The following CSMD3 variants were observed in gnomAD, a reference collection of about 807,000 sequenced individuals.
CSMD3 encodes the protein CUB and Sushi multiple domains 3, also known as CUB and sushi domain-containing protein 3.
CSMD3 carries 177 observed loss-of-function variants against 435.2 expected under a neutral mutation model. The observed-to-expected ratio is 0.41, with a 90% CI of 0.36 to 0.46. The LOEUF is 0.46. Among genes scored for constraint, CSMD3 ranks in the 20% least tolerant of loss-of-function variants. The pLI, the probability that CSMD3 is intolerant of heterozygous loss-of-function variation, is 0.34. For synonymous variants in CSMD3, 1,656 were observed against 1,520.5 expected (o/e 1.09, Z -2.07); for missense variants, 4,265 against 4,504.6 (o/e 0.95, Z 1.52).
At chr8:113,254,796 C>G (rs2093365968) in intron 3 of CSMD3, among the ~76,000 whole-genome samples, 1 of 151,976 alleles carries the variant, frequency 6.6e-6, no homozygotes, top group African/African-American at 2.4e-5. Flanking sequence ...TTATCTGAAA[C>G]TTTTAATTAT....
intron 45 of CSMD3, among the ~76,000 whole-genome samples, chr8:112,324,865 G>T (rs941161400): frequency 2.0e-5 from 3 of 151,990 alleles, no homozygotes; most frequent in African/African-American, 4.8e-5. Context: ...GATAGCAAGA[G>T]ACTACTAGAG....
chr8:112,638,219 T>G (rs2074718308), intron 21 of CSMD3, among the ~76,000 whole-genome samples: 1 of 148,280 alleles, frequency 6.7e-6, no homozygotes, highest in African/African-American at 2.4e-5. Flanking sequence ...AATATATAAT[T>G]TATTATTAAT....
chr8:112,306,674 G>A (rs1007440078), intron 50 of CSMD3, among the ~76,000 whole-genome samples: 1 of 152,110 alleles, frequency 6.6e-6, no homozygotes, highest in African/African-American at 2.4e-5. Flanking sequence ...CTGAAAGCTG[G>A]CTATTTCTGT....
rs1443355788 is a variant in CSMD3, at chr8:112,903,996, G to T, written c.1633+17631C>A. Among the ~76,000 whole-genome samples the T allele has an allele frequency of 2.0e-5, 3 of 151,310 alleles. No homozygotes were observed. In the Admixed American group the frequency reaches 2.0e-4, roughly 10 times the overall value. On this transcript the variant is annotated intron_variant, in intron 10 of 70. Transcript: ENST00000297405. ...CTAGCCATTTGGGAGGCACTTTGAA[G>T]GCACTGTAAACTTGAGTGCCCTGGC...
At chr8:112,784,242 G>A (rs1166259190) in intron 13 of CSMD3, among the ~76,000 whole-genome samples, 1 of 151,890 alleles carries the variant, frequency 6.6e-6, no homozygotes, top group African/African-American at 2.4e-5. Context: ...AAATGATAAT[G>A]GAAACATAAC....
chr8:113,058,832 T>G (rs946743471), intron 5 of CSMD3, among the ~76,000 whole-genome samples: 9 of 151,774 alleles, frequency 5.9e-5, no homozygotes, highest in Non-Finnish European at 1.3e-4. Context: ...TATAGTTAGT[T>G]TTTAATTAAA....
chr8:113,162,407 T>C (rs186621244), intron 4 of CSMD3, among the ~76,000 whole-genome samples: 1 of 151,580 alleles, frequency 6.6e-6, no homozygotes, highest in East Asian at 2.0e-4. Context: ...CGCTACTAAA[T>C]ACACAAAATT....
At chr8:112,730,076 G>T (rs1368625914) in intron 13 of CSMD3, among the ~76,000 whole-genome samples, 1 of 152,040 alleles carries the variant, frequency 6.6e-6, no homozygotes, top group African/African-American at 2.4e-5. Flanking sequence ...TTCAATTGTG[G>T]TTGGAATATT....
chr8:112,616,375 T>C (rs1264898800), intron 22 of CSMD3, among the ~76,000 whole-genome samples: 1 of 152,164 alleles, frequency 6.6e-6, no homozygotes, highest in Non-Finnish European at 1.5e-5. Context: ...TCTACATATA[T>C]AGCTTGAAAG....
chr8:113,199,835 T>C (rs2092699009), intron 3 of CSMD3, among the ~76,000 whole-genome samples: 1 of 151,828 alleles, frequency 6.6e-6, no homozygotes. Flanking sequence ...AATGACTTAT[T>C]AAAGGTTAGG....
intron 32 of CSMD3, 64 bp from the exon 33 acceptor site, chr8:112,409,096 C>T: frequency 2.5e-6 from 4 of 1,604,484 alleles, no homozygotes; most frequent in Non-Finnish European, 3.4e-6. Flanking sequence ...AAACAAAAAA[C>T]AAAAAAATAG....
intron 11 of CSMD3, among the ~76,000 whole-genome samples, chr8:112,844,982 T>C (rs1169160875): frequency 1.3e-5 from 2 of 151,986 alleles, no homozygotes. Context: ...ATCATAATAC[T>C]GAGATTAAAA....
chr8:112,372,973 ATAT>A (rs1828561889), intron 38 of CSMD3, among the ~76,000 whole-genome samples: 3 of 58,378 alleles, frequency 5.1e-5, no homozygotes, highest in Non-Finnish European at 1.6e-4. Context: ...CAGAAAAAAT[ATAT>A]ATATATATAT....
chr8:112,721,911 G>T (rs1435287336), intron 13 of CSMD3, among the ~76,000 whole-genome samples: 1 of 152,074 alleles, frequency 6.6e-6, no homozygotes, highest in Non-Finnish European at 1.5e-5. Context: ...GCAAGAATAT[G>T]ATTTGGTCAA....
chr8:112,729,986 T>C (rs189402798), intron 13 of CSMD3, among the ~76,000 whole-genome samples: 263 of 152,228 alleles, frequency 1.7e-3, no homozygotes, highest in African/African-American at 6.0e-3. Flanking sequence ...AAATATACTA[T>C]TGAAGTATTA....
chr8:112,873,507 T>C (rs1005612485), intron 10 of CSMD3, among the ~76,000 whole-genome samples: 8 of 152,002 alleles, frequency 5.3e-5, no homozygotes, highest in Non-Finnish European at 1.2e-4. Context: ...AGTGCACATA[T>C]ATTATATTTT....
rs536574595 is a variant in CSMD3, at chr8:112,611,128, A to G, written c.3716-23893T>C. ...TATGTGAACAATTCTTCATTATGAC[A>G]AATTTTAGCTCAAGTGTTTGAAATT... On this transcript the variant is annotated intron_variant, in intron 22 of 70. Transcript: ENST00000297405. Among the ~76,000 whole-genome samples the G allele has an allele frequency of 1.4e-4, 21 of 152,304 alleles. No homozygotes were observed. In the East Asian group the frequency reaches 4.1e-3, roughly 29 times the overall value.
At chr8:113,151,771 T>C (rs1035495372) in intron 4 of CSMD3, among the ~76,000 whole-genome samples, 4 of 152,150 alleles carry the variant, frequency 2.6e-5, no homozygotes, top group Non-Finnish European at 5.9e-5. Flanking sequence ...AATTGCAGTT[T>C]ATTTCTGACA....
At chr8:113,139,760 T>C (rs914132661) in intron 4 of CSMD3, among the ~76,000 whole-genome samples, 11 of 151,232 alleles carry the variant, frequency 7.3e-5, no homozygotes, top group African/African-American at 2.4e-4. Context: ...TATAAAGAGA[T>C]TGGCAAAGTT....
Sources: gnomAD v4.1 joint callset for allele counts (sites outside exome capture counted in the v4.1 genomes callset) on GRCh38, gnomAD v4.1.1 for gene constraint, MANE v1.5 for transcripts, NCBI Gene and HGNC (gene_info 2026-07-23, HGNC 2026-07-21) for gene names.